MTMR1: variants seen among roughly 807,000 people sequenced by gnomAD.
The protein encoded by MTMR1 is phosphatidylinositol-3-phosphate phosphatase MTMR1.
In MTMR1, 17 loss-of-function variants were observed where a neutral mutation model predicts 51.6. The ratio of observed to expected loss-of-function variants is 0.33; its 90% confidence interval spans 0.23 to 0.49. The LOEUF is 0.49. Ranked by LOEUF, MTMR1 falls within the 20% of genes least tolerant of loss-of-function variation. The probability of loss-of-function intolerance (pLI) is 0.99; values close to 1 mark genes in which losing one functional copy is unlikely to be tolerated. For missense variants in MTMR1, 386 were observed against 526.9 expected (o/e 0.73, Z 2.62); for synonymous variants, 201 against 205.6 (o/e 0.98, Z 0.19).
At chrX:150,731,915 A>G (rs1029192837) in intron 9 of MTMR1, among the ~76,000 whole-genome samples, 2 of 112,142 alleles carry the variant, frequency 1.8e-5, no homozygotes, top group Admixed American at 9.5e-5. Flanking sequence ...ATGCTATTGT[A>G]TTACCAGTTG....
chrX:150,739,725 C>T (rs1361772348), intron 12 of MTMR1, among the ~76,000 whole-genome samples: 3 of 112,384 alleles, frequency 2.7e-5, no homozygotes, highest in African/African-American at 9.7e-5. Flanking sequence ...CTAATGGCCT[C>T]AATTTACTAA....
intron 2 of MTMR1, among the ~76,000 whole-genome samples, 162 bp from the exon 3 acceptor site, chrX:150,712,180 T>C (rs1176981758): frequency 1.8e-5 from 2 of 112,216 alleles, no homozygotes; most frequent in East Asian, 5.6e-4. Context: ...TGATCTGATA[T>C]TGAATGAAAC....
chrX:150,745,067 G>T (rs782704868), intron 13 of MTMR1, among the ~76,000 whole-genome samples: 9 of 112,864 alleles, frequency 8.0e-5, no homozygotes, highest in Admixed American at 2.8e-4. Flanking sequence ...TTTGGCTTCA[G>T]TTCAAAGTAG....
At chrX:150,749,798 C>T (rs112387315) in intron 13 of MTMR1, among the ~76,000 whole-genome samples, 2,377 of 111,789 alleles carry the variant, frequency 0.021, 60 homozygotes, top group African/African-American at 0.074. Flanking sequence ...GTTGTGTTAC[C>T]TTTTTAAAAT....
intron 4 of MTMR1, among the ~76,000 whole-genome samples, chrX:150,725,900 T>C (rs1378062534): frequency 8.9e-6 from 1 of 112,011 alleles, no homozygotes; most frequent in Non-Finnish European, 1.9e-5. Flanking sequence ...CACTGTGCCC[T>C]TCCTCCCTTC....
chrX:150,752,970 A>G (rs1404131485), intron 14 of MTMR1, among the ~76,000 whole-genome samples: 1 of 110,620 alleles, frequency 9.0e-6, no homozygotes, highest in Non-Finnish European at 1.9e-5. Context: ...GTCACCCCCA[A>G]AAGAAATGGC....
intron 15 of MTMR1, among the ~76,000 whole-genome samples, chrX:150,760,346 G>A (rs953621750): frequency 1.0e-5 from 1 of 98,848 alleles, no homozygotes; most frequent in South Asian, 3.9e-4. Flanking sequence ...GTAAACGACA[G>A]GGCAGATGCA....
At chrX:150,693,334 CCCCGCT>C (rs2148532117), upstream of MTMR1, 1 of 480,886 alleles carries the variant, frequency 2.1e-6, no homozygotes, top group Non-Finnish European at 2.6e-6. Flanking sequence ...CCCTCCCCGC[CCCCGCT>C]CCCGCCCCCC....
At chrX:150,748,920 T>A (rs2042651708) in intron 13 of MTMR1, among the ~76,000 whole-genome samples, 1 of 111,983 alleles carries the variant, frequency 8.9e-6, no homozygotes, top group Non-Finnish European at 1.9e-5. Context: ...AGGGGCAATC[T>A]TAAAGGCTCC....
At chrX:150,744,619 A>G (rs2042524998) in intron 13 of MTMR1, among the ~76,000 whole-genome samples, 166 bp downstream of exon 13, 1 of 112,740 alleles carries the variant, frequency 8.9e-6, no homozygotes, top group East Asian at 2.8e-4. Context: ...AACATTAGAA[A>G]CAACCAATTT....
intron 11 of MTMR1, 62 bp from the exon 12 acceptor site, chrX:150,737,180 A>G: frequency 9.3e-7 from 1 of 1,071,398 alleles, no homozygotes; most frequent in East Asian, 3.0e-5. Flanking sequence ...ATTATTTTAC[A>G]TTGTTTTACA....
At position 150,718,779 on chromosome X, in the gene MTMR1, T is replaced by C. The variant is rs2041647349; in HGVS notation, c.352+79T>C. On this transcript the variant is annotated intron_variant, in intron 4 of 15. Coordinates refer to ENST00000445323, the MANE Select transcript of MTMR1 (RefSeq NM_001306144.3). Reference sequence around the variant, plus strand: ...TTAATTTGCAAGTGGAGGTGATGTATGTGCTGGAGATCCGCCAGACCAACT... The same window carrying C: ...TTAATTTGCAAGTGGAGGTGATGTACGTGCTGGAGATCCGCCAGACCAACT... 3.0e-6 allele frequency: 3 copies of C among 1,006,576 alleles called. No individual in the cohort carries two copies. The East Asian group carries it at 9.3e-5, about 31-fold the overall frequency. 83.0% of individuals were successfully genotyped at this position (1,006,576 alleles called of 1,213,427 possible).
chrX:150,698,676 GCGCGCACACACACACA>G (rs1310535541), intron 1 of MTMR1, among the ~76,000 whole-genome samples: 2 of 53,084 alleles, frequency 3.8e-5, no homozygotes, highest in South Asian at 1.5e-3. Context: ...GTCTACACGC[GCGCGCACACACACACA>G]CACACACACA....
chrX:150,748,283 A>G (rs781869418), intron 13 of MTMR1, among the ~76,000 whole-genome samples: 4 of 112,325 alleles, frequency 3.6e-5, no homozygotes, highest in Non-Finnish European at 5.6e-5. Context: ...AAATATGTCA[A>G]TAATTTGCTA....
intron 2 of MTMR1, among the ~76,000 whole-genome samples, chrX:150,705,038 A>G (rs782542767): frequency 2.2e-4 from 25 of 112,074 alleles, no homozygotes; most frequent in Non-Finnish European, 3.9e-4. Context: ...AAGAAATGTA[A>G]GAGACAAAGA....
chrX:150,739,213 A>G (rs2042359170), intron 12 of MTMR1, among the ~76,000 whole-genome samples: 1 of 112,801 alleles, frequency 8.9e-6, no homozygotes, highest in Non-Finnish European at 1.9e-5. Flanking sequence ...CTACTGGCAG[A>G]TCCCTGGGCA....
rs782522275 is a variant in MTMR1, at chrX:150,731,466, A to T, written c.742-4A>T. ...CCTCTTCTTCTTTCTCCAACACCTT[A>T]CAGGGCTTGCCAAATGAGAGTTGGA... On this transcript the variant is annotated splice_polypyrimidine_tract_variant and splice_region_variant and intron_variant, in intron 8 of 15. Transcript: ENST00000445323. 7.6e-6 allele frequency: 9 copies of T among 1,187,726 alleles called. No homozygotes were observed. The highest frequency in any genetic ancestry group is 9.1e-6 in the Non-Finnish European group (8 of 882,710).
intron 15 of MTMR1, among the ~76,000 whole-genome samples, chrX:150,756,727 T>C (rs1018270910): frequency 8.9e-6 from 1 of 112,575 alleles, no homozygotes; most frequent in Middle Eastern, 4.6e-3. Flanking sequence ...CTTGGCTCAC[T>C]GCAACCCCTG....
intron 2 of MTMR1, among the ~76,000 whole-genome samples, chrX:150,706,984 A>C (rs981331844): frequency 1.8e-5 from 2 of 110,713 alleles, no homozygotes; most frequent in Non-Finnish European, 3.8e-5. Flanking sequence ...AGACATGAAA[A>C]CAATTTAATG....
Sources: gnomAD v4.1 joint callset for allele counts (sites outside exome capture counted in the v4.1 genomes callset) on GRCh38, gnomAD v4.1.1 for gene constraint, MANE v1.5 for transcripts, NCBI Gene and HGNC (gene_info 2026-07-23, HGNC 2026-07-21) for gene names.